PLCH2: variants seen among roughly 807,000 people sequenced by gnomAD.
The protein encoded by PLCH2 is phospholipase C eta 2.
A neutral mutation model predicts 134.7 loss-of-function variants in PLCH2; 98 were observed. That is an observed-to-expected ratio of 0.73 (90% CI 0.62 to 0.86). PLCH2 has a LOEUF of 0.86. PLCH2 is among the 40% of genes least tolerant of loss of function. PLCH2 has a pLI of 0.00. For missense variants in PLCH2, 1,994 were observed against 1,986.6 expected, an observed-to-expected ratio of 1.00 and a Z score of -0.07; for synonymous variants, 974 against 827.5, an observed-to-expected ratio of 1.18 and a Z score of -3.04.
Position 2,487,248 on chromosome 1 carries a change from C to T in PLCH2, c.986C>T (p.Thr329Met), listed in dbSNP as rs767794445. 3.2e-5 allele frequency: 52 copies of T among 1,610,916 alleles called. No individual in the cohort carries two copies. The highest frequency in any genetic ancestry group is 4.5e-5 in the East Asian group (2 of 44,746). ...CACCACCATGTGCACCAGGACATGA[C>T]GCAGCCGCTGAGCCACTACTTCATC... Reference protein sequence around the residue: ...PEHHHVHQDMTQPLSHYFITS... With the variant: ...PEHHHVHQDMMQPLSHYFITS... The change falls in exon 7 of 22, where the codon ACG (threonine) becomes ATG (methionine). Residue 329 changes from threonine (T) to methionine (M), a missense_variant. Thr to Met is a moderately conservative substitution (Grantham distance 81). Around this residue, in one of 2 missense-constraint regions of PLCH2, gnomAD observed 1,094 missense variants for 1,234.3 expected, o/e 0.89. Coordinates refer to ENST00000378486, the MANE Select transcript of PLCH2 (RefSeq NM_014638.4).
chr1:2,498,679 T>A lies in PLCH2; in HGVS notation c.2349+32T>A. 1 of 311,854 alleles carries A rather than the reference T, an allele frequency of 3.2e-6. No homozygotes were observed. The highest frequency in any genetic ancestry group is 4.8e-6 in the Non-Finnish European group (1 of 207,778). The allele number at this position is 311,854 out of a possible 1,614,324, so 19.3% of individuals were successfully genotyped here. A position where few individuals can be genotyped will look rare whatever the true frequency, so the allele number is the denominator to read the frequency against. On this transcript the variant is annotated intron_variant, in intron 17 of 21. Transcript: ENST00000378486. The surrounding 1 kb of genome is among the most constrained non-coding windows in gnomAD (Gnocchi z 5.4). ...GCCAGCCCCACACAGGCGGGAGGGG[T>A]GGGAGTTGGGGGCGGGCCGGGCATC...
upstream of PLCH2, among the ~76,000 whole-genome samples, chr1:2,463,827 C>G (rs913856734): frequency 6.6e-6 from 1 of 152,240 alleles, no homozygotes. Flanking sequence ...GCTGGCCAGG[C>G]CCTTGGAGAA....
At position 2,497,498 on chromosome 1, in the gene PLCH2, G is replaced by A. The variant is rs577189959; in HGVS notation, c.2117-4G>A. The A allele has an allele frequency of 1.5e-5, 24 of 1,548,862 alleles. No homozygotes were observed. The Admixed American group carries it at 2.7e-4, about 18-fold the overall frequency. The stretch of plus-strand genomic sequence containing the variant: ...ACCAGGGCAGCCTTGTGTCACCCTC[G>A]CAGTTGCCCTGAACTACCAGTCAGA... On this transcript the variant is annotated splice_polypyrimidine_tract_variant and splice_region_variant and intron_variant, in intron 15 of 21. Coordinates refer to ENST00000378486, the MANE Select transcript of PLCH2 (RefSeq NM_014638.4).
At position 2,505,343 on chromosome 1, in the gene PLCH2, CT is replaced by C. The variant is rs1357603382; in HGVS notation, c.*131del. The stretch of plus-strand genomic sequence containing the variant: ...TGGCTGCCCTGTGTCCCCTCCACCC[CT>C]GCCTCCCTCCTGCCCCTGCTCCCGG... On this transcript the variant is annotated 3_prime_UTR_variant, in exon 22 of 22. Coordinates refer to ENST00000378486, the MANE Select transcript of PLCH2 (RefSeq NM_014638.4). The C allele has an allele frequency of 7.6e-6, 5 of 657,784 alleles. No homozygotes were observed. In the Admixed American group the frequency reaches 1.3e-4, roughly 17 times the overall value. The allele number at this position is 657,784 out of a possible 1,614,324, so 40.7% of individuals were successfully genotyped here.
intron 5 of PLCH2, among the ~76,000 whole-genome samples, chr1:2,486,228 A>T (rs1021457994): frequency 6.6e-6 from 1 of 152,048 alleles, no homozygotes; most frequent in African/African-American, 2.4e-5. Context: ...CCCTCTGTGC[A>T]CTCAGGAGCC....
At chr1:2,481,096 A>G (rs1468248576) in intron 4 of PLCH2, among the ~76,000 whole-genome samples, 1 of 152,220 alleles carries the variant, frequency 6.6e-6, no homozygotes, top group East Asian at 1.9e-4. Flanking sequence ...ACACACATGC[A>G]CACACACACG....
chr1:2,491,990 G>T (rs1386045747), intron 11 of PLCH2, among the ~76,000 whole-genome samples: 2 of 152,178 alleles, frequency 1.3e-5, no homozygotes, highest in Non-Finnish European at 2.9e-5. Context: ...GGGAGCGTGG[G>T]TGGGCCCTAC....
Position 2,503,940 on chromosome 1 carries a change from C to G in PLCH2, c.2978C>G (p.Thr993Arg), listed in dbSNP as rs771427021. The change falls in exon 22 of 22, where the codon ACG (threonine) becomes AGG (arginine). Residue 993 changes from threonine (T) to arginine (R), a missense_variant. Physicochemically the swap from Thr to Arg is moderately conservative, Grantham distance 71. Around this residue, in one of 2 missense-constraint regions of PLCH2, gnomAD observed 900 missense variants for 752.3 expected, o/e 1.20. Coordinates refer to ENST00000378486, the MANE Select transcript of PLCH2 (RefSeq NM_014638.4). ...GSPRDTRPLSTQRPLPPLCSL... is the reference protein window; with the variant it reads ...GSPRDTRPLSRQRPLPPLCSL... ...CCCACAGACACCCGCCCCCTCTCCA[C>G]GCAGCGGCCACTCCCCCCACTGTGC... is the stretch of plus-strand genomic sequence containing the variant. The G allele has an allele frequency of 7.7e-7, 1 of 1,292,444 alleles. No homozygotes were observed. The highest frequency in any genetic ancestry group is 1.1e-6 in the Non-Finnish European group (1 of 917,554). 80.1% of individuals were successfully genotyped at this position (1,292,444 alleles called of 1,614,324 possible). A position where few individuals can be genotyped will look rare whatever the true frequency, so the allele number is the denominator to read the frequency against.
chr1:2,486,077 G>A (rs1642270129), intron 5 of PLCH2, among the ~76,000 whole-genome samples: 1 of 152,202 alleles, frequency 6.6e-6, no homozygotes, highest in Non-Finnish European at 1.5e-5. Context: ...GGCGGCACCA[G>A]CATGTGTCTG....
At chr1:2,455,932 G>A (rs991664968) in intron 2 of PLCH2, among the ~76,000 whole-genome samples, 2 of 152,260 alleles carry the variant, frequency 1.3e-5, no homozygotes, top group Non-Finnish European at 2.9e-5. Context: ...GTGCTCGTGT[G>A]TTTAAGTGTA....
At chr1:2,441,267 G>A (rs913543210) in intron 2 of PLCH2, among the ~76,000 whole-genome samples, 1 of 152,212 alleles carries the variant, frequency 6.6e-6, no homozygotes, top group African/African-American at 2.4e-5. Context: ...CCTCAGAAGC[G>A]AAGAGGCGCG....
intron 8 of PLCH2, among the ~76,000 whole-genome samples, chr1:2,488,901 G>C (rs1004396722): frequency 6.6e-6 from 1 of 152,148 alleles, no homozygotes; most frequent in Non-Finnish European, 1.5e-5. Flanking sequence ...TTTTTCAAAC[G>C]TTCCTTTTGT....
intron 21 of PLCH2, 81 bp downstream of exon 21, chr1:2,502,490 G>A: frequency 1.5e-6 from 2 of 1,350,310 alleles, no homozygotes; most frequent in South Asian, 2.5e-5. Flanking sequence ...CGGGCCTGCT[G>A]GGATGGCCGC....
In PLCH2 at chr1:2,432,236, C is replaced by T. The variant is rs964184827; in HGVS notation, c.115+1607C>T. On this transcript the variant is annotated intron_variant, in intron 2 of 3. Transcript: ENST00000609981. Reference sequence around the variant, plus strand: ...ACTCTCTCATCTTCCTGGCTCACACCCTCAGCCCTGAAGCGGTGGGCAGTG... The same window carrying T: ...ACTCTCTCATCTTCCTGGCTCACACTCTCAGCCCTGAAGCGGTGGGCAGTG... 9.2e-5 allele frequency among the ~76,000 whole-genome samples: 14 copies of T among 152,360 alleles called. 1 individual carries two copies. Among genetic ancestry groups the T allele is most frequent in the African/African-American group, 3.4e-4 (14 of 41,590 alleles).
chr1:2,416,929 G>A, the PLCH2 span, among the ~76,000 whole-genome samples: 1 of 152,174 alleles, frequency 6.6e-6, no homozygotes, highest in Non-Finnish European at 1.5e-5. Flanking sequence ...CCAGCCTGGG[G>A]GGGCCCTGGG....
intron 2 of PLCH2, among the ~76,000 whole-genome samples, chr1:2,453,917 G>C (rs999380840): frequency 6.6e-6 from 1 of 152,142 alleles, no homozygotes; most frequent in Non-Finnish European, 1.5e-5. Context: ...GAGTGGGGTG[G>C]GGGAAAGAGG....
chr1:2,502,381 G>T lies in PLCH2; in HGVS notation c.2931G>T (p.Gln977His). The change falls in exon 21 of 22, where the codon CAG (glutamine) becomes CAT (histidine). Residue 977 changes from glutamine to histidine, a missense_variant. Physicochemically the swap from Gln to His is conservative, Grantham distance 24. This residue lies in a region of PLCH2 where 900 missense variants were observed against 752.3 expected (regional missense o/e 1.20). Coordinates refer to ENST00000378486, the MANE Select transcript of PLCH2 (RefSeq NM_014638.4). The stretch of plus-strand genomic sequence containing the variant: ...GACCTGCTCCGGAAGCCCCAGCCCA[G>T]GAGGGGCCCGGCAGCGGCAGCCCCC... Reference protein sequence around the residue: ...GPGPAPEAPAQEGPGSGSPRD... With the variant: ...GPGPAPEAPAHEGPGSGSPRD... 6.5e-7 allele frequency: 1 copy of T among 1,543,624 alleles called. No homozygotes were observed.
Position 2,505,223 on chromosome 1 carries a change from G to A in PLCH2, c.*10G>A. The stretch of plus-strand genomic sequence containing the variant: ...CCTGCTCCGCCTCTGACCGTCAGTG[G>A]TGGGAACCTGGGCGGCTCTGGAGGC... On this transcript the variant is annotated 3_prime_UTR_variant, in exon 22 of 22. Coordinates refer to ENST00000378486, the MANE Select transcript of PLCH2 (RefSeq NM_014638.4). 1 of 1,561,918 alleles carries A rather than the reference G, an allele frequency of 6.4e-7. No homozygotes were observed.
At chr1:2,443,641 C>G (rs1298093274) in intron 2 of PLCH2, among the ~76,000 whole-genome samples, 1 of 150,252 alleles carries the variant, frequency 6.7e-6, no homozygotes, top group Non-Finnish European at 1.5e-5. Context: ...CCCGGTTGCG[C>G]CCGATCTGCC....
Sources: allele counts gnomAD v4.1 joint callset (sites outside exome capture counted in the v4.1 genomes callset), GRCh38; gene constraint gnomAD v4.1.1; regional missense constraint gnomAD v4.1.1; non-coding constraint Gnocchi (gnomAD v3.1); transcripts MANE v1.5; gene names NCBI Gene and HGNC (gene_info 2026-07-23, HGNC 2026-07-21).